The following TASOR variants were observed in gnomAD, a reference collection of about 807,000 sequenced individuals.
TASOR encodes the protein transcription activation suppressor, also known as protein TASOR.
A neutral mutation model predicts 178.6 loss-of-function variants in TASOR; 53 were observed. The observed-to-expected ratio is 0.30, with a 90% confidence interval of 0.24 to 0.37. The LOEUF (loss-of-function observed/expected upper bound fraction) is 0.37. Ranked by LOEUF, TASOR falls within the 10% of genes least tolerant of loss-of-function variation. The pLI is 1.00. For synonymous variants in TASOR, 713 were observed against 696.2 expected, an observed-to-expected ratio of 1.02 and a Z score of -0.38; for missense variants, 1,815 against 1,971.4, an observed-to-expected ratio of 0.92 and a Z score of 1.50.
intron 11 of TASOR, among the ~76,000 whole-genome samples, chr3:56,653,334 G>C (rs1300244115): frequency 7.8e-6 from 1 of 128,470 alleles, no homozygotes; most frequent in East Asian, 2.4e-4. Flanking sequence ...CAATAAAAGA[G>C]ATAACTAATT....
chr3:56,666,205 AG>A, intron 7 of TASOR, 54 bp downstream of exon 7: 1 of 1,400,222 alleles, frequency 7.1e-7, no homozygotes, highest in Non-Finnish European at 9.3e-7. Context: ...TCAGTAGTAC[AG>A]GATCTGTAGT....
chr3:56,620,869 T>G lies in TASOR; in HGVS notation c.*2168A>C, dbSNP rs2076400477. On this transcript the variant is annotated 3_prime_UTR_variant, in exon 24 of 24. Coordinates refer to ENST00000683822, the MANE Select transcript of TASOR (RefSeq NM_001365635.2). Reference sequence around the variant, plus strand: ...GACAGTCAAGATAAAATACTGGATGTTGGCCAGGAGCAGTGGCTCAAGCCT... The same window carrying G: ...GACAGTCAAGATAAAATACTGGATGGTGGCCAGGAGCAGTGGCTCAAGCCT... 1 of 152,654 alleles carries G rather than the reference T, an allele frequency of 6.6e-6. No individual in the cohort carries two copies. Among genetic ancestry groups the G allele is most frequent in the Non-Finnish European group, 1.5e-5 (1 of 68,426 alleles). The allele number at this position is 152,654 out of a possible 1,614,324, so 9.5% of individuals were successfully genotyped here. A position where few individuals can be genotyped will look rare whatever the true frequency, so the allele number is the denominator to read the frequency against.
In TASOR at chr3:56,682,668, G is replaced by A. The variant is rs577349459; in HGVS notation, c.331+8C>T. The A allele has an allele frequency of 2.9e-4, 416 of 1,456,746 alleles. 1 individual carries two copies. The African/African-American group carries it at 5.5e-3, about 19-fold the overall frequency. The allele number at this position is 1,456,746 out of a possible 1,614,324, so 90.2% of individuals were successfully genotyped here. On this transcript the variant is annotated splice_region_variant and intron_variant, in intron 1 of 23. Coordinates refer to ENST00000683822, the MANE Select transcript of TASOR (RefSeq NM_001365635.2). ...AGAGAGGGGGTTGAGAAGAAGGGGA[G>A]GCACCACCTTTCTTTTCTCTGCTCT...
At chr3:56,654,711 C>T (rs2077432589) in intron 11 of TASOR, among the ~76,000 whole-genome samples, 1 of 152,164 alleles carries the variant, frequency 6.6e-6, no homozygotes, top group African/African-American at 2.4e-5. Flanking sequence ...CCCTAACCCC[C>T]ACAACAAAAG....
chr3:56,643,006 G>T, intron 14 of TASOR, among the ~76,000 whole-genome samples: 1 of 151,580 alleles, frequency 6.6e-6, no homozygotes. Context: ...GCTCACGCCT[G>T]TAATCTCAGC....
At chr3:56,632,799 C>G (rs1219288933) in intron 18 of TASOR, among the ~76,000 whole-genome samples, 2 of 152,022 alleles carry the variant, frequency 1.3e-5, no homozygotes, top group Non-Finnish European at 2.9e-5. Flanking sequence ...TGCCACCACA[C>G]CTAATTTTTG....
chr3:56,652,268 T>C (rs1289638035), intron 11 of TASOR, among the ~76,000 whole-genome samples: 2 of 152,076 alleles, frequency 1.3e-5, no homozygotes, highest in Non-Finnish European at 2.9e-5. Context: ...AAAAAAAACA[T>C]AGAATTATAT....
Position 56,633,800 on chromosome 3 carries a change from C to T in TASOR, c.2991G>A (p.Gln997=), listed in dbSNP as rs1278503102. The change falls in exon 18 of 24, where the codon CAG becomes CAA. Residue 997 remains glutamine (Q), a synonymous_variant. Coordinates refer to ENST00000683822, the MANE Select transcript of TASOR (RefSeq NM_001365635.2). The part of the protein sequence containing the change: ...GTTEDDVLTG[Q]VEEQCVPAAE... Reference sequence around the variant, plus strand: ...CTGCTGGCACACACTGCTCCTCCACCTGACCTGTCAACACGTCATCCTCAG... The same window carrying T: ...CTGCTGGCACACACTGCTCCTCCACTTGACCTGTCAACACGTCATCCTCAG... The T allele has an allele frequency of 6.2e-7, 1 of 1,614,106 alleles. No individual in the cohort carries two copies. The highest frequency in any genetic ancestry group is 8.5e-7 in the Non-Finnish European group (1 of 1,180,050).
rs1400025022 is a variant in TASOR at position 56,621,594 on chromosome 3, A to G, written c.*1443T>C. ...TCCTGCCTTTAGCTGAAAATCAAGA[A>G]GAGAGTTTTGGTTCTTCATTTTAAA... On this transcript the variant is annotated 3_prime_UTR_variant, in exon 24 of 24. Coordinates refer to ENST00000683822, the MANE Select transcript of TASOR (RefSeq NM_001365635.2). The G allele has an allele frequency of 6.3e-7, 1 of 1,599,100 alleles. No homozygotes were observed. Among genetic ancestry groups the G allele is most frequent in the South Asian group, 1.1e-5 (1 of 88,092 alleles).
chr3:56,634,859 C>A (rs990713384), intron 17 of TASOR, among the ~76,000 whole-genome samples: 1 of 152,104 alleles, frequency 6.6e-6, no homozygotes, highest in African/African-American at 2.4e-5. Context: ...AACTCTAATT[C>A]CATTTTTAAG....
Position 56,682,833 on chromosome 3 carries a change from C to T in TASOR, c.174G>A (p.Glu58=). The T allele has an allele frequency of 1.9e-6, 3 of 1,550,630 alleles. No homozygotes were observed. Among genetic ancestry groups the T allele is most frequent in the South Asian group, 2.4e-5 (2 of 84,004 alleles). ...GGGCGGCCTCGGCCCCCGCGTTCTCCTCACGCCCAGCGCCGCCGCTGGGCT... is the reference window on the plus strand; with the variant it reads ...GGGCGGCCTCGGCCCCCGCGTTCTCTTCACGCCCAGCGCCGCCGCTGGGCT... ...IAEPSGGAGR[E]ENAGAEAAQS... Residue 58 remains glutamate (E), a synonymous_variant, in exon 1 of 24, where the codon GAG becomes GAA. Coordinates refer to ENST00000683822, the MANE Select transcript of TASOR (RefSeq NM_001365635.2).
At chr3:56,682,211 C>A (rs538753891) in intron 1 of TASOR, among the ~76,000 whole-genome samples, 2 of 152,312 alleles carry the variant, frequency 1.3e-5, no homozygotes, top group East Asian at 3.9e-4. Flanking sequence ...TTCAAGTAGA[C>A]ACACAGAACT....
At chr3:56,636,447 C>T (rs2077019263) in intron 17 of TASOR, among the ~76,000 whole-genome samples, 1 of 151,418 alleles carries the variant, frequency 6.6e-6, no homozygotes, top group African/African-American at 2.4e-5. Flanking sequence ...GCTCTGCCAC[C>T]AGGCTGGAGT....
intron 14 of TASOR, among the ~76,000 whole-genome samples, chr3:56,645,651 T>A (rs1442210009): frequency 1.3e-5 from 2 of 152,184 alleles, no homozygotes; most frequent in African/African-American, 2.4e-5. Context: ...GCGCCTTACA[T>A]GTCTATCTTT....
intron 8 of TASOR, among the ~76,000 whole-genome samples, chr3:56,662,935 T>A (rs1281768089): frequency 6.6e-6 from 1 of 152,154 alleles, no homozygotes; most frequent in Non-Finnish European, 1.5e-5. Flanking sequence ...CCCCAGCACT[T>A]TGGGAGGCCG....
intron 9 of TASOR, among the ~76,000 whole-genome samples, chr3:56,661,725 C>A (rs987536645): frequency 6.6e-6 from 1 of 152,138 alleles, no homozygotes; most frequent in African/African-American, 2.4e-5. Context: ...CTCTTCCCAA[C>A]AAAGAACTGG....
chr3:56,637,782 G>A (rs1263720151), intron 17 of TASOR, among the ~76,000 whole-genome samples: 1 of 151,548 alleles, frequency 6.6e-6, no homozygotes, highest in African/African-American at 2.4e-5. Flanking sequence ...AAAACTGAAG[G>A]AAAATATAAA....
intron 1 of TASOR, among the ~76,000 whole-genome samples, chr3:56,674,224 A>T (rs201606521): frequency 1.7e-4 from 23 of 138,758 alleles, no homozygotes; most frequent in Admixed American, 7.4e-4. Context: ...AAAAAAAAAA[A>T]GCTTGGTGGC....
At chr3:56,665,508 C>T (rs2077690297) in intron 7 of TASOR, among the ~76,000 whole-genome samples, 1 of 152,020 alleles carries the variant, frequency 6.6e-6, no homozygotes, top group Non-Finnish European at 1.5e-5. Context: ...AGGCACGTAC[C>T]ACCACATCCA....
Sources: gnomAD v4.1 joint callset for allele counts (sites outside exome capture counted in the v4.1 genomes callset) on GRCh38, gnomAD v4.1.1 for gene constraint, MANE v1.5 for transcripts, NCBI Gene and HGNC (gene_info 2026-07-23, HGNC 2026-07-21) for gene names.